The following MGST1 variants were observed in gnomAD, a reference collection of about 807,000 sequenced individuals.
The protein encoded by MGST1 is glutathione S-transferase 12.
A neutral mutation model predicts 8.9 loss-of-function variants in MGST1; 5 were observed. The ratio of observed to expected loss-of-function variants is 0.56; its 90% confidence interval spans 0.29 to 1.19. The LOEUF is 1.19. Among genes scored for constraint, MGST1 ranks in the 50% most tolerant of loss-of-function variants. The pLI, the probability that MGST1 is intolerant of heterozygous loss-of-function variation, is 0.08. For synonymous variants in MGST1, 54 were observed against 67.8 expected (o/e 0.80, Z 1.00); for missense variants, 182 against 187.4 (o/e 0.97, Z 0.17).
At chr12:16,488,972 A>C (rs1941418861) in intron 4 of MGST1, among the ~76,000 whole-genome samples, 1 of 151,990 alleles carries the variant, frequency 6.6e-6, no homozygotes, top group South Asian at 2.1e-4. Flanking sequence ...ATTATCTGTG[A>C]GTGGTGGCAT....
At chr12:16,364,484 A>G (rs868668048), downstream of MGST1, 2 of 738,622 alleles carry the variant, frequency 2.7e-6, no homozygotes, top group South Asian at 6.1e-5. This position sits in a 1 kb window ranked among gnomAD's most constrained non-coding sequence, Gnocchi z 5.7. Flanking sequence ...GAAAAATAGT[A>G]CAAAGAACCA....
intron 1 of MGST1, among the ~76,000 whole-genome samples, chr12:16,353,045 GGA>G (rs1939540865): frequency 6.9e-6 from 1 of 145,822 alleles, no homozygotes; most frequent in Non-Finnish European, 1.5e-5. Context: ...TTTTTTTTTT[GGA>G]GGGGGAGACA....
At chr12:16,415,295 A>AG (rs1431511065) in intron 1 of MGST1, among the ~76,000 whole-genome samples, 1 of 152,200 alleles carries the variant, frequency 6.6e-6, no homozygotes, top group Admixed American at 6.5e-5. Context: ...TTCCATAGGG[A>AG]GGAGGGGTAC....
In MGST1 at chr12:16,504,151, C is replaced by CTGTAACTTTCTCACTTTTT. The variant is rs530580440; in HGVS notation, n.483-85369_483-85351dup. 8.5e-3 allele frequency among the ~76,000 whole-genome samples: 1,290 copies of CTGTAACTTTCTCACTTTTT among 152,272 alleles called. 9 individuals are homozygous for CTGTAACTTTCTCACTTTTT. Among genetic ancestry groups the CTGTAACTTTCTCACTTTTT allele is most frequent in the Non-Finnish European group, 0.014 (938 of 68,024 alleles). On this transcript the variant is annotated intron_variant and non_coding_transcript_variant, in intron 4 of 4. Coordinates refer to the MGST1 transcript ENST00000538857. The stretch of plus-strand genomic sequence containing the variant: ...GGAGAGGTTCTGGCATTGCTCTGAC[C>CTGTAACTTTCTCACTTTTT]TGTAACTTTCTCACTTTTTTGTAAC...
rs375408029 is a variant in MGST1 at position 16,463,819 on chromosome 12, T to G, written n.482+80215T>G. 3.3e-5 allele frequency among the ~76,000 whole-genome samples: 5 copies of G among 152,344 alleles called. No individual in the cohort carries two copies. The South Asian group carries it at 8.3e-4, about 25-fold the overall frequency. On this transcript the variant is annotated intron_variant and non_coding_transcript_variant, in intron 4 of 4. Transcript: ENST00000538857. Reference sequence around the variant, plus strand: ...TTTGTTGTCTAAGTACAGCTCATCTTTGCTTCTGCCTCTTGGTCAATAACT... The same window carrying G: ...TTTGTTGTCTAAGTACAGCTCATCTGTGCTTCTGCCTCTTGGTCAATAACT...
At chr12:16,391,588 G>T (rs561482096) in intron 1 of MGST1, among the ~76,000 whole-genome samples, 1 of 152,208 alleles carries the variant, frequency 6.6e-6, no homozygotes, top group South Asian at 2.1e-4. Context: ...ACTTCTTAAT[G>T]GGGTTGTCTG....
chr12:16,365,750 C>CACAT (rs1555096042), downstream of MGST1, among the ~76,000 whole-genome samples: 9 of 151,536 alleles, frequency 5.9e-5, no homozygotes, highest in South Asian at 6.2e-4. Flanking sequence ...CGCGCACACA[C>CACAT]ACACACACAC....
At chr12:16,399,683 A>G in intron 1 of MGST1, 2 of 1,452,632 alleles carry the variant, frequency 1.4e-6, no homozygotes, top group South Asian at 2.3e-5. Flanking sequence ...CTTGTTCGAA[A>G]AAGCCCTCAG....
chr12:16,357,525 C>A, intron 2 of MGST1, 80 bp from the exon 3 acceptor site: 2 of 1,085,560 alleles, frequency 1.8e-6, no homozygotes, highest in Non-Finnish European at 2.7e-6. Flanking sequence ...CTCAGCCTCA[C>A]AAAGCGCTGG....
intron 4 of MGST1, among the ~76,000 whole-genome samples, chr12:16,507,772 T>C (rs902383888): frequency 1.3e-5 from 2 of 151,998 alleles, no homozygotes; most frequent in East Asian, 1.9e-4. Context: ...CTCAATATCA[T>C]GAGAACAACA....
upstream of MGST1, chr12:16,347,239 C>G (rs1179993144): frequency 6.6e-6 from 1 of 152,238 alleles, no homozygotes; most frequent in Non-Finnish European, 1.5e-5. This position sits in a 1 kb window ranked among gnomAD's most constrained non-coding sequence, Gnocchi z 4.0. Flanking sequence ...TTTAAGGAGG[C>G]CTTGCCACCA....
chr12:16,565,347 A>G (rs752059857), intron 4 of MGST1, among the ~76,000 whole-genome samples: 43 of 152,210 alleles, frequency 2.8e-4, no homozygotes, highest in Non-Finnish European at 5.9e-4. Flanking sequence ...CATGCTTCTC[A>G]TCTACTTTCT....
rs74732171 is a variant in MGST1 at position 16,485,191 on chromosome 12, C to T, written n.482+101587C>T. ...TATGGACATTGTTCTTGCCTTGTAC[C>T]TCTTTGACAGCTTCTTAGTCTTTTG... On this transcript the variant is annotated intron_variant and non_coding_transcript_variant, in intron 4 of 4. Transcript: ENST00000538857. Among the ~76,000 whole-genome samples, 1,430 of 152,276 alleles carry T rather than the reference C, an allele frequency of 9.4e-3. 23 individuals are homozygous for T. The highest frequency in any genetic ancestry group is 0.033 in the African/African-American group (1,359 of 41,548).
chr12:16,516,214 G>A (rs1276364368), intron 4 of MGST1, among the ~76,000 whole-genome samples: 2 of 152,110 alleles, frequency 1.3e-5, no homozygotes, highest in Non-Finnish European at 2.9e-5. Context: ...TCACACAAAA[G>A]AGTCTGACAC....
downstream of MGST1, among the ~76,000 whole-genome samples, chr12:16,380,898 T>G (rs1940446938): frequency 6.6e-6 from 1 of 152,214 alleles, no homozygotes; most frequent in Non-Finnish European, 1.5e-5. Context: ...CATTATGTAG[T>G]GGCCTTCTTT....
At chr12:16,523,207 A>G (rs1177015259) in intron 4 of MGST1, among the ~76,000 whole-genome samples, 1 of 152,050 alleles carries the variant, frequency 6.6e-6, no homozygotes, top group Non-Finnish European at 1.5e-5. Flanking sequence ...GTTTGATTGA[A>G]TAGAGAAATG....
At chr12:16,417,205 A>G (rs1940794178) in intron 1 of MGST1, among the ~76,000 whole-genome samples, 1 of 152,148 alleles carries the variant, frequency 6.6e-6, no homozygotes, top group Admixed American at 6.6e-5. Flanking sequence ...GAAACTTACA[A>G]TCATAGCAGA....
intron 4 of MGST1, among the ~76,000 whole-genome samples, chr12:16,580,271 T>C (rs1943119094): frequency 6.6e-6 from 1 of 152,182 alleles, no homozygotes; most frequent in African/African-American, 2.4e-5. Flanking sequence ...TGGCAATATC[T>C]GAATTTTGTC....
intron 4 of MGST1, among the ~76,000 whole-genome samples, chr12:16,540,225 C>T (rs1455541671): frequency 6.6e-6 from 1 of 152,196 alleles, no homozygotes; most frequent in Non-Finnish European, 1.5e-5. Context: ...CCTCTTCCTT[C>T]TCCACCCTTT....
Sources: allele counts gnomAD v4.1 joint callset (sites outside exome capture counted in the v4.1 genomes callset), GRCh38; gene constraint gnomAD v4.1.1; non-coding constraint Gnocchi (gnomAD v3.1); transcripts MANE v1.5; gene names NCBI Gene and HGNC (gene_info 2026-07-23, HGNC 2026-07-21).